SHANK2: variants seen among roughly 807,000 people sequenced by gnomAD.
SHANK2 encodes the protein SH3 and multiple ankyrin repeat domains protein 2.
SHANK2 carries 43 observed loss-of-function variants against 133.7 expected under a neutral mutation model. The ratio of observed to expected loss-of-function variants is 0.32; its 90% confidence interval spans 0.25 to 0.41. The LOEUF is 0.41. Among genes scored for constraint, SHANK2 ranks in the 10% least tolerant of loss-of-function variants. The probability of loss-of-function intolerance (pLI) is 1.00; values close to 1 mark genes in which losing one functional copy is unlikely to be tolerated. For synonymous variants in SHANK2, 1,017 were observed against 952.8 expected (o/e 1.07, Z -1.24); for missense variants, 1,994 against 2,235.8 (o/e 0.89, Z 2.18).
At position 71,138,498 on chromosome 11, in the gene SHANK2, C is replaced by A. The variant is rs183928848; in HGVS notation, c.207+8622G>T. ...TTCTATTTTAATCCACAATAATAAG[C>A]AGACGGGCCAAGGCCACTTTGGAAT... is the stretch of plus-strand genomic sequence containing the variant. On this transcript the variant is annotated intron_variant, in intron 3 of 25. Transcript: ENST00000601538. 4.4e-3 allele frequency among the ~76,000 whole-genome samples: 665 copies of A among 152,274 alleles called. 4 individuals carry two copies. Among genetic ancestry groups the A allele is most frequent in the Non-Finnish European group, 6.2e-3 (420 of 68,020 alleles).
intron 17 of SHANK2, among the ~76,000 whole-genome samples, chr11:70,528,264 G>A (rs890823176): frequency 1.3e-5 from 2 of 152,204 alleles, no homozygotes; most frequent in Non-Finnish European, 2.9e-5. Context: ...CGTGGCTCTC[G>A]GGCTGCTGTG....
intron 17 of SHANK2, among the ~76,000 whole-genome samples, chr11:70,508,326 C>G (rs1032419909): frequency 2.0e-5 from 3 of 152,230 alleles, no homozygotes; most frequent in Admixed American, 2.0e-4. Context: ...GCACCCCTCC[C>G]CACATCCCAT....
rs565214950 is a variant in SHANK2 at position 70,499,166 on chromosome 11, C to G, written c.2308+1404G>C. 5.3e-5 allele frequency among the ~76,000 whole-genome samples: 8 copies of G among 152,362 alleles called. No homozygotes were observed. The South Asian group carries it at 1.0e-3, about 20-fold the overall frequency. ...CACTTCGCATGTGCGCCATGGGATG[C>G]CCTCATGGCCCTAGAGGCAGGGGCT... is the stretch of plus-strand genomic sequence containing the variant. On this transcript the variant is annotated intron_variant, in intron 21 of 25. Transcript: ENST00000601538.
chr11:70,719,125 G>A (rs1050598614), intron 14 of SHANK2, among the ~76,000 whole-genome samples: 2 of 152,240 alleles, frequency 1.3e-5, no homozygotes, highest in Non-Finnish European at 2.9e-5. Context: ...CAAGCTCGCC[G>A]TGGCGCAGTG....
In SHANK2 at chr11:70,804,386, A is replaced by G. The variant is rs1948117569; in HGVS notation, c.1663+2616T>C. Among the ~76,000 whole-genome samples the G allele has an allele frequency of 6.6e-6, 1 of 152,214 alleles. No homozygotes were observed. Among genetic ancestry groups the G allele is most frequent in the Non-Finnish European group, 1.5e-5 (1 of 68,036 alleles). On this transcript the variant is annotated intron_variant, in intron 13 of 25. Coordinates refer to ENST00000601538, the MANE Select transcript of SHANK2 (RefSeq NM_012309.5). This position sits in a 1 kb window ranked among gnomAD's most constrained non-coding sequence, Gnocchi z 4.1. ...GGCAGCAGGAAGGGGCTCCGTGCCAATTGTGTGCAAATGGCCTGCGCGGCC... is the reference window on the plus strand; with the variant it reads ...GGCAGCAGGAAGGGGCTCCGTGCCAGTTGTGTGCAAATGGCCTGCGCGGCC...
intron 11 of SHANK2, among the ~76,000 whole-genome samples, chr11:70,883,564 A>G (rs1030999406): frequency 6.6e-6 from 1 of 152,052 alleles, no homozygotes; most frequent in African/African-American, 2.4e-5. Flanking sequence ...CAAGAGAACA[A>G]AGGGGGCTGG....
rs1455369600 is a variant in SHANK2, at chr11:71,163,359, T to C, written c.-12-16021A>G. ...GGTCTGCCTGTAATGGTCTTTCCAGTGCAAGCCCTTGATAAATCAAATCTA... is the reference window on the plus strand; with the variant it reads ...GGTCTGCCTGTAATGGTCTTTCCAGCGCAAGCCCTTGATAAATCAAATCTA... On this transcript the variant is annotated intron_variant, in intron 2 of 25. Coordinates refer to ENST00000601538, the MANE Select transcript of SHANK2 (RefSeq NM_012309.5). Among the ~76,000 whole-genome samples, 22 of 152,266 alleles carry C rather than the reference T, an allele frequency of 1.4e-4. No homozygotes were observed. In the East Asian group the frequency reaches 3.3e-3, roughly 23 times the overall value.
At chr11:71,076,291 T>C (rs1203654584) in intron 8 of SHANK2, among the ~76,000 whole-genome samples, 2 of 151,544 alleles carry the variant, frequency 1.3e-5, no homozygotes, top group African/African-American at 4.9e-5. Context: ...GCAGGCAGCC[T>C]AGGGGTGTTG....
At chr11:70,849,298 C>T (rs7945113) in intron 11 of SHANK2, among the ~76,000 whole-genome samples, 5,468 of 152,228 alleles carry the variant, frequency 0.036, 278 homozygotes, top group African/African-American at 0.12. Flanking sequence ...AATATGTATA[C>T]ACATGCATGC....
At chr11:71,152,733 C>T (rs1555108345) in intron 2 of SHANK2, among the ~76,000 whole-genome samples, 1 of 152,142 alleles carries the variant, frequency 6.6e-6, no homozygotes, top group African/African-American at 2.4e-5. Context: ...GAGGAGAAGG[C>T]TGGGTCACAC....
chr11:70,568,646 G>GCCGC (rs1554982439), intron 17 of SHANK2, among the ~76,000 whole-genome samples: 7 of 79,966 alleles, frequency 8.8e-5, no homozygotes, highest in African/African-American at 2.7e-4. Context: ...GCGGATTCCT[G>GCCGC]CCCCCCCCGC....
At chr11:70,492,905 C>A (rs1374239187) in intron 21 of SHANK2, among the ~76,000 whole-genome samples, 1 of 139,482 alleles carries the variant, frequency 7.2e-6, no homozygotes, top group African/African-American at 2.6e-5. Context: ...AAGCAATTCT[C>A]TTGCGTCAGC....
At chr11:70,831,388 C>A (rs1370022356) in intron 11 of SHANK2, among the ~76,000 whole-genome samples, 1 of 152,186 alleles carries the variant, frequency 6.6e-6, no homozygotes, top group Non-Finnish European at 1.5e-5. Context: ...GAACCCCAAA[C>A]TCTCAGCCAC....
rs1425804006 is a variant in SHANK2 at position 70,563,315 on chromosome 11, G to A, written c.2062-60384C>T. Among the ~76,000 whole-genome samples, 5 of 152,100 alleles carry A rather than the reference G, an allele frequency of 3.3e-5. No homozygotes were observed. The East Asian group carries it at 9.6e-4, about 29-fold the overall frequency. ...ATCACTGCTGATGTTCTACCACTTC[G>A]TGTACAATACAAGAACTTACAACAG... On this transcript the variant is annotated intron_variant, in intron 17 of 25. Coordinates refer to ENST00000601538, the MANE Select transcript of SHANK2 (RefSeq NM_012309.5).
chr11:71,220,475 G>C (rs553643653), intron 2 of SHANK2, among the ~76,000 whole-genome samples: 1 of 152,146 alleles, frequency 6.6e-6, no homozygotes. Context: ...AGATATATCC[G>C]CACACCTATG....
chr11:71,178,721 C>T (rs1555113398), intron 2 of SHANK2, among the ~76,000 whole-genome samples: 1 of 152,204 alleles, frequency 6.6e-6, no homozygotes, highest in African/African-American at 2.4e-5. Flanking sequence ...CGGTGACTCA[C>T]ACCTGTAATC....
intron 11 of SHANK2, among the ~76,000 whole-genome samples, chr11:70,894,676 G>A (rs1949907109): frequency 6.6e-6 from 1 of 152,174 alleles, no homozygotes. Context: ...AGGCCCCAGT[G>A]AGGGTAGCCC....
chr11:70,759,918 A>C (rs1338917310), intron 14 of SHANK2, among the ~76,000 whole-genome samples: 3 of 152,180 alleles, frequency 2.0e-5, no homozygotes, highest in African/African-American at 7.2e-5. Context: ...CTGGCCAAAG[A>C]CTGAGGCATG....
intron 14 of SHANK2, among the ~76,000 whole-genome samples, chr11:70,761,769 TGAGTGGCAAGATCTTCAC>T (rs1396483203): frequency 6.6e-6 from 1 of 152,232 alleles, no homozygotes. Context: ...TGGGCCACGT[TGAGTGGCAAGATCTTCAC>T]GAGTGGCCCT....
Sources: gnomAD v4.1 joint callset for allele counts (sites outside exome capture counted in the v4.1 genomes callset) on GRCh38, gnomAD v4.1.1 for gene constraint, Gnocchi (gnomAD v3.1) non-coding constraint, MANE v1.5 for transcripts, NCBI Gene and HGNC (gene_info 2026-07-23, HGNC 2026-07-21) for gene names.